Variants in PLAC8 observed in about 807,000 individuals in gnomAD.
The protein encoded by PLAC8 is placenta associated 8.
A neutral mutation model predicts 12.6 loss-of-function variants in PLAC8; 6 were observed. The observed-to-expected ratio is 0.48, with a 90% CI of 0.26 to 0.94. The LOEUF (loss-of-function observed/expected upper bound fraction) is 0.94, where lower values mean the gene tolerates loss of function less well. Ranked by LOEUF, PLAC8 falls within the 40% of genes least tolerant of loss-of-function variation. PLAC8 has a pLI of 0.14. For synonymous variants in PLAC8, 54 were observed against 52.6 expected, an observed-to-expected ratio of 1.03 and a Z score of -0.11; for missense variants, 122 against 152.7, an observed-to-expected ratio of 0.80 and a Z score of 1.06.
chr4:83,111,088 C>T (rs1197040802), intron 1 of PLAC8, among the ~76,000 whole-genome samples: 3 of 151,942 alleles, frequency 2.0e-5, no homozygotes, highest in African/African-American at 7.3e-5. Context: ...ACCTCAGCCT[C>T]CTGAGTAGCC....
chr4:83,110,478 G>A (rs995867635), intron 1 of PLAC8, among the ~76,000 whole-genome samples: 13 of 152,210 alleles, frequency 8.5e-5, no homozygotes, highest in Non-Finnish European at 1.8e-4. Flanking sequence ...CCAACACTGA[G>A]GGTAAGCTCC....
intron 2 of PLAC8, among the ~76,000 whole-genome samples, chr4:83,106,269 G>A (rs1732238047): frequency 1.3e-5 from 2 of 151,860 alleles, no homozygotes; most frequent in South Asian, 4.2e-4. Flanking sequence ...AAAGTGCTGG[G>A]ATTACAGGTG....
chr4:83,103,305 GA>G (rs1436515424), intron 3 of PLAC8, among the ~76,000 whole-genome samples: 12 of 151,978 alleles, frequency 7.9e-5, no homozygotes, highest in African/African-American at 2.7e-4. Context: ...TGAGGCAGGA[GA>G]ATCGCTTGAA....
chr4:83,099,682 C>T (rs1413188962), intron 3 of PLAC8, among the ~76,000 whole-genome samples: 5 of 152,032 alleles, frequency 3.3e-5, no homozygotes, highest in East Asian at 1.9e-4. Context: ...CGTGAGTTCT[C>T]GTGAGATCTG....
chr4:83,092,809 CCT>C (rs1491483025), intron 4 of PLAC8: 2 of 127,100 alleles, frequency 1.6e-5, no homozygotes, highest in African/African-American at 6.1e-5. Flanking sequence ...TTTTTCTTTT[CCT>C]TTTTTTTTTT....
At chr4:83,110,450 AAAGT>A (rs977075625) in intron 1 of PLAC8, among the ~76,000 whole-genome samples, 5 of 152,180 alleles carry the variant, frequency 3.3e-5, no homozygotes, top group Non-Finnish European at 4.4e-5. Flanking sequence ...GGCTTTGGGA[AAAGT>A]AAGTCCCAAA....
intron 3 of PLAC8, among the ~76,000 whole-genome samples, chr4:83,098,076 C>T (rs1326902472): frequency 6.6e-6 from 1 of 152,054 alleles, no homozygotes; most frequent in Non-Finnish European, 1.5e-5. Flanking sequence ...CCAGGATTGT[C>T]CCAATCTCCT....
intron 1 of PLAC8, among the ~76,000 whole-genome samples, chr4:83,112,843 C>CTTTA (rs1173358725): frequency 6.6e-6 from 1 of 152,234 alleles, no homozygotes; most frequent in African/African-American, 2.4e-5. Context: ...GCCATGAAGT[C>CTTTA]TTTAGCCTTA....
At chr4:83,111,325 C>G (rs1169453348) in intron 1 of PLAC8, among the ~76,000 whole-genome samples, 1 of 151,904 alleles carries the variant, frequency 6.6e-6, no homozygotes, top group Non-Finnish European at 1.5e-5. Context: ...AAGAAATATC[C>G]TTTTCAGAAA....
At chr4:83,112,137 G>C (rs1732435119) in intron 1 of PLAC8, among the ~76,000 whole-genome samples, 2 of 148,950 alleles carry the variant, frequency 1.3e-5, no homozygotes, top group Non-Finnish European at 3.0e-5. Flanking sequence ...TCGTGCCATT[G>C]CATTCCAGCC....
intron 2 of PLAC8, among the ~76,000 whole-genome samples, chr4:83,106,510 C>T (rs1001575084): frequency 2.6e-5 from 4 of 151,744 alleles, no homozygotes; most frequent in Admixed American, 6.6e-5. Context: ...CCCAGCTACT[C>T]GGAGGCCAAG....
At chr4:83,108,622 G>T (rs1238383072) in intron 1 of PLAC8, among the ~76,000 whole-genome samples, 1 of 152,102 alleles carries the variant, frequency 6.6e-6, no homozygotes, top group African/African-American at 2.4e-5. Flanking sequence ...AAAAACCACA[G>T]AATTCACGGA....
Position 83,105,016 on chromosome 4 carries a change from G to A in PLAC8, c.123C>T (p.Leu41=). 1 of 1,614,076 alleles carries A rather than the reference G, an allele frequency of 6.2e-7. No individual in the cohort carries two copies. Among genetic ancestry groups the A allele is most frequent in the Non-Finnish European group, 8.5e-7 (1 of 1,179,998 alleles). ...CDCFSDCGVC[L]CGTFCFPCLG... ...GGCACGGGAAACAAAATGTGCCACAGAGACCTAGACACATGAAACCAGGGG... is the reference window on the plus strand; with the variant it reads ...GGCACGGGAAACAAAATGTGCCACAAAGACCTAGACACATGAAACCAGGGG... Residue 41 remains leucine (L), a synonymous_variant, in exon 3 of 5, where the codon CTC becomes CTT. Transcript: ENST00000311507.
intron 1 of PLAC8, among the ~76,000 whole-genome samples, chr4:83,111,731 G>C (rs1338429303): frequency 6.6e-6 from 1 of 152,116 alleles, no homozygotes; most frequent in Non-Finnish European, 1.5e-5. Flanking sequence ...AAACCACCCT[G>C]CAATTATGTA....
At chr4:83,100,408 G>A (rs1732066898) in intron 3 of PLAC8, among the ~76,000 whole-genome samples, 1 of 152,048 alleles carries the variant, frequency 6.6e-6, no homozygotes, top group Non-Finnish European at 1.5e-5. Context: ...AGAAGCAGAT[G>A]CCACTATGCT....
intron 3 of PLAC8, among the ~76,000 whole-genome samples, chr4:83,100,285 A>C (rs1732063670): frequency 1.3e-5 from 2 of 151,288 alleles, no homozygotes; most frequent in African/African-American, 4.9e-5. Context: ...CATCTCAAAA[A>C]AAAAAAAAAA....
chr4:83,096,864 C>T (rs1677786227), intron 3 of PLAC8, among the ~76,000 whole-genome samples: 1 of 152,168 alleles, frequency 6.6e-6, no homozygotes, highest in Non-Finnish European at 1.5e-5. Flanking sequence ...TTCCACCATC[C>T]AACATCCTCA....
intron 1 of PLAC8, among the ~76,000 whole-genome samples, chr4:83,111,487 A>T (rs1254482773): frequency 1.3e-5 from 2 of 151,858 alleles, no homozygotes; most frequent in African/African-American, 4.8e-5. Flanking sequence ...AAAAAAAAAT[A>T]AAAAAATAAA....
At chr4:83,099,356 G>A (rs865929196) in intron 3 of PLAC8, among the ~76,000 whole-genome samples, 3 of 151,952 alleles carry the variant, frequency 2.0e-5, no homozygotes, top group Non-Finnish European at 2.9e-5. Context: ...GCAAGTCTAA[G>A]GGTGCCATTT....
Sources: gnomAD v4.1 joint callset for allele counts (sites outside exome capture counted in the v4.1 genomes callset) on GRCh38, gnomAD v4.1.1 for gene constraint, MANE v1.5 for transcripts, NCBI Gene and HGNC (gene_info 2026-07-23, HGNC 2026-07-21) for gene names.